The following MFSD12 variants were observed in gnomAD, a reference collection of about 807,000 sequenced individuals.
MFSD12 encodes major facilitator superfamily domain-containing protein 12.
In MFSD12, 67 loss-of-function variants were observed where a neutral mutation model predicts 51.2. The ratio of observed to expected loss-of-function variants is 1.31; its 90% CI spans 1.08 to 1.60. The LOEUF (loss-of-function observed/expected upper bound fraction) is 1.60. Ranked by LOEUF, MFSD12 falls within the 40% of genes most tolerant of loss-of-function variation. MFSD12 has a pLI of 0.00. For synonymous variants in MFSD12, 441 were observed against 316.7 expected (o/e 1.39, Z -4.17); for missense variants, 921 against 673.0 (o/e 1.37, Z -4.08).
At chr19:3,542,237 C>G, downstream of MFSD12, 1 of 985,432 alleles carries the variant, frequency 1.0e-6, no homozygotes, top group Non-Finnish European at 1.2e-6. Context: ...TGGGGTCCCT[C>G]AAACAGGCTC....
At chr19:3,543,489 C>CG (rs1568250276), downstream of MFSD12, 15 of 1,520,944 alleles carry the variant, frequency 9.9e-6, no homozygotes, top group African/African-American at 1.4e-5. Context: ...TGCCCCCCCC[C>CG]CCGCCCTGGG....
chr19:3,545,858 T>C (rs947567767), intron 8 of MFSD12, among the ~76,000 whole-genome samples: 17 of 152,174 alleles, frequency 1.1e-4, no homozygotes, highest in Admixed American at 5.2e-4. Flanking sequence ...GTACGGTGTC[T>C]TCAGCACTGC....
intron 6 of MFSD12, among the ~76,000 whole-genome samples, chr19:3,546,859 A>T (rs1021227847): frequency 6.6e-6 from 1 of 151,826 alleles, no homozygotes; most frequent in African/African-American, 2.4e-5. Flanking sequence ...TGGAGACAAG[A>T]GTCTCGCTGT....
At chr19:3,547,669 C>T in intron 4 of MFSD12, 122 bp from the exon 5 acceptor site, 1 of 1,172,588 alleles carries the variant, frequency 8.5e-7, no homozygotes, top group East Asian at 2.6e-5. Context: ...TTGGTAGTGA[C>T]TGCCCAGTGG....
downstream of MFSD12, chr19:3,543,207 T>TACTGAGC (rs1279255181): frequency 2.6e-6 from 4 of 1,535,276 alleles, no homozygotes; most frequent in African/African-American, 2.7e-5. Context: ...AGACATGGGC[T>TACTGAGC]CAGTCTCTGC....
downstream of MFSD12, chr19:3,544,073 C>A: frequency 1.4e-6 from 2 of 1,464,820 alleles, no homozygotes; most frequent in Non-Finnish European, 9.1e-7. Flanking sequence ...TAACCTAGTC[C>A]CAGGGGACCA....
chr19:3,538,293 TGTTTA>T (rs1286393656), exon 5 of MFSD12: 1 of 167,374 alleles, frequency 6.0e-6, no homozygotes, highest in Non-Finnish European at 1.3e-5. Context: ...TGTTTTGTTT[TGTTTA>T]TTGTGGTAAA....
chr19:3,552,093 G>A (rs2031505653), intron 1 of MFSD12, among the ~76,000 whole-genome samples: 1 of 152,062 alleles, frequency 6.6e-6, no homozygotes, highest in Non-Finnish European at 1.5e-5. Flanking sequence ...CCGGCTTCCT[G>A]CCGGCTTTCC....
intron 2 of MFSD12, among the ~76,000 whole-genome samples, chr19:3,549,975 C>G (rs888227686): frequency 6.6e-6 from 1 of 152,148 alleles, no homozygotes; most frequent in African/African-American, 2.4e-5. Context: ...CTGGCCAAGT[C>G]AGGCAATCCT....
intron 2 of MFSD12, among the ~76,000 whole-genome samples, chr19:3,550,187 AAGCCCAAC>A (rs1182009483): frequency 1.3e-5 from 2 of 152,136 alleles, no homozygotes. Context: ...ACAGACCCTG[AAGCCCAAC>A]AGCCCTCTCC....
chr19:3,539,165 G>T (rs1001637209), intron 4 of MFSD12: 3 of 1,544,598 alleles, frequency 1.9e-6, no homozygotes, highest in Non-Finnish European at 1.8e-6. Context: ...GAGCCCGGGG[G>T]ATCCAGGCAG....
chr19:3,541,770 C>T (rs904263949), downstream of MFSD12: 1 of 985,334 alleles, frequency 1.0e-6, no homozygotes, highest in Non-Finnish European at 1.2e-6. Context: ...GGGCCGACAG[C>T]AGGGGTGAGG....
At position 3,547,541 on chromosome 19, in the gene MFSD12, T is replaced by C; in HGVS notation, c.844A>G (p.Ile282Val). The C allele has an allele frequency of 1.2e-6, 2 of 1,609,994 alleles. No homozygotes were observed. Among genetic ancestry groups the C allele is most frequent in the Non-Finnish European group, 8.5e-7 (1 of 1,178,548 alleles). Residue 282 changes from isoleucine to valine, a missense_variant, in exon 5 of 10, where the codon ATA becomes GTA. Physicochemically the swap from Ile to Val is conservative, Grantham distance 29. Transcript: ENST00000355415. ...ATGAGCCTGGTGGTCATGTACAGTA[T>C]GCCCACCTGTGGGCAGACCGACAGA... The part of the protein sequence containing the change: ...LREPAFYQVG[I>V]LYMTTRLIVN...
At chr19:3,542,630 C>T, downstream of MFSD12, 1 of 1,019,540 alleles carries the variant, frequency 9.8e-7, no homozygotes, top group South Asian at 1.6e-5. Flanking sequence ...CCCCCCGCCC[C>T]CACACCATGC....
In MFSD12 at chr19:3,551,302, G is replaced by GC. The variant is rs527577707; in HGVS notation, c.299-109dup. 765 of 864,856 alleles carry GC rather than the reference G, an allele frequency of 8.8e-4. 4 individuals are homozygous for GC. The African/African-American group carries it at 0.012, about 13-fold the overall frequency. The allele number at this position is 864,856 out of a possible 1,614,324, so 53.6% of individuals were successfully genotyped here. ...GGGAAACTGAGGCACAGATGGAGAC[G>GC]CCCCCCGCATGCACACAGTCACGCA... On this transcript the variant is annotated intron_variant, in intron 1 of 9. Transcript: ENST00000355415. This position sits in a 1 kb window ranked among gnomAD's most constrained non-coding sequence, Gnocchi z 4.6.
intron 1 of MFSD12, among the ~76,000 whole-genome samples, chr19:3,555,508 A>G (rs367974283): frequency 4.9e-4 from 75 of 152,336 alleles, no homozygotes; most frequent in African/African-American, 1.6e-3. Context: ...ACGTAACCAC[A>G]AAGGAAGGGA....
chr19:3,543,770 C>T (rs1003484682), downstream of MFSD12: 5 of 1,489,478 alleles, frequency 3.4e-6, no homozygotes, highest in African/African-American at 4.2e-5. Context: ...ATCCAGGAGC[C>T]CCTTGCTGGC....
chr19:3,547,196 AC>A, intron 6 of MFSD12, 75 bp downstream of exon 6: 1 of 1,321,122 alleles, frequency 7.6e-7, no homozygotes, highest in South Asian at 1.2e-5. Context: ...CGAGGATGGA[AC>A]CCGGAGCGGG....
intron 8 of MFSD12, 26 bp downstream of exon 8, chr19:3,546,048 A>G (rs1320800501): frequency 6.2e-7 from 1 of 1,610,668 alleles, no homozygotes; most frequent in South Asian, 1.1e-5. Context: ...GAACAAAAGA[A>G]TGAATGAACG....
Sources: gnomAD v4.1 joint callset for allele counts (sites outside exome capture counted in the v4.1 genomes callset) on GRCh38, gnomAD v4.1.1 for gene constraint, Gnocchi (gnomAD v3.1) non-coding constraint, MANE v1.5 for transcripts, NCBI Gene and HGNC (gene_info 2026-07-23, HGNC 2026-07-21) for gene names.